Variants in QTMAN observed in about 807,000 individuals in gnomAD.
QTMAN encodes queuosine-tRNA mannosyltransferase.
At chr2:143,984,879 A>AT in the QTMAN span, among the ~76,000 whole-genome samples, 91 of 152,226 alleles carry the variant, frequency 6.0e-4, no homozygotes, top group African/African-American at 2.1e-3. Context: ...ACAACTCAAT[A>AT]AAGTCCTCCA....
chr2:144,048,718 C>T, the QTMAN span, among the ~76,000 whole-genome samples: 6 of 151,994 alleles, frequency 3.9e-5, no homozygotes, highest in African/African-American at 1.4e-4. Context: ...GTGCCACGGC[C>T]CTGAACTCCC....
At chr2:144,206,512 A>C in the QTMAN span, among the ~76,000 whole-genome samples, 1 of 152,208 alleles carries the variant, frequency 6.6e-6, no homozygotes, top group Non-Finnish European at 1.5e-5. Context: ...TCATTGCTCA[A>C]ATATAAGTTA....
At chr2:143,947,132 C>T in the QTMAN span, 3 of 1,611,148 alleles carry the variant, frequency 1.9e-6, no homozygotes. Context: ...GGAGCGATTT[C>T]ACCCTGCAAC....
chr2:144,176,142 T>C, the QTMAN span, among the ~76,000 whole-genome samples: 1 of 152,064 alleles, frequency 6.6e-6, no homozygotes, highest in Non-Finnish European at 1.5e-5. Flanking sequence ...TAGCAGGAAA[T>C]GAAAACAGAG....
chr2:144,169,172 G>A, the QTMAN span, among the ~76,000 whole-genome samples: 2 of 152,046 alleles, frequency 1.3e-5, no homozygotes, highest in East Asian at 3.9e-4. Context: ...AAATCCTAAT[G>A]CCTAAGGCAC....
the QTMAN span, among the ~76,000 whole-genome samples, chr2:144,022,898 C>T: frequency 1.3e-5 from 2 of 152,098 alleles, no homozygotes; most frequent in African/African-American, 2.4e-5. Flanking sequence ...TAATACTTAG[C>T]ATGTCCACTG....
the QTMAN span, among the ~76,000 whole-genome samples, chr2:144,183,780 T>C: frequency 6.6e-6 from 1 of 152,196 alleles, no homozygotes; most frequent in African/African-American, 2.4e-5. Context: ...AAGAATCCTT[T>C]TTTAACAGGA....
At chr2:144,287,159 G>A in the QTMAN span, among the ~76,000 whole-genome samples, 2 of 152,182 alleles carry the variant, frequency 1.3e-5, no homozygotes, top group African/African-American at 2.4e-5. Flanking sequence ...GGTATTGGCC[G>A]GGCACGGTGG....
chr2:144,193,007 TG>T, the QTMAN span, among the ~76,000 whole-genome samples: 1 of 152,214 alleles, frequency 6.6e-6, no homozygotes, highest in Non-Finnish European at 1.5e-5. Flanking sequence ...AGCAAAGAGA[TG>T]ATGTATAAAT....
the QTMAN span, among the ~76,000 whole-genome samples, chr2:144,269,808 A>T: frequency 2.4e-4 from 36 of 151,618 alleles, no homozygotes; most frequent in African/African-American, 8.7e-4. Context: ...TTACTATGCT[A>T]TCCAACTTCC....
the QTMAN span, among the ~76,000 whole-genome samples, chr2:144,237,702 C>A: frequency 6.6e-6 from 1 of 152,156 alleles, no homozygotes; most frequent in Non-Finnish European, 1.5e-5. Flanking sequence ...TCCAAGACAG[C>A]CCCCAATAAT....
the QTMAN span, among the ~76,000 whole-genome samples, chr2:144,177,577 C>T: frequency 6.6e-6 from 1 of 152,126 alleles, no homozygotes; most frequent in African/African-American, 2.4e-5. Context: ...GTTGAGTCAA[C>T]TTGGTAGACA....
chr2:143,978,701 T>C, the QTMAN span, among the ~76,000 whole-genome samples: 1 of 152,210 alleles, frequency 6.6e-6, no homozygotes, highest in Non-Finnish European at 1.5e-5. Flanking sequence ...ATGTATGTAA[T>C]TACTTCCTCT....
chr2:144,244,385 G>C, the QTMAN span, among the ~76,000 whole-genome samples: 2 of 152,148 alleles, frequency 1.3e-5, no homozygotes, highest in Non-Finnish European at 2.9e-5. Flanking sequence ...TTGCTTCTTG[G>C]AGACATTCAC....
At chr2:143,957,341 T>A in the QTMAN span, 3 of 1,574,940 alleles carry the variant, frequency 1.9e-6, no homozygotes, top group Non-Finnish European at 2.6e-6. Context: ...AAAAAATATC[T>A]TTTAAAAACA....
chr2:144,207,748 A>C, the QTMAN span, among the ~76,000 whole-genome samples: 1 of 152,216 alleles, frequency 6.6e-6, no homozygotes, highest in African/African-American at 2.4e-5. Context: ...AGAGATGTTC[A>C]AGGGGATTCC....
chr2:144,138,749 C>T, the QTMAN span, among the ~76,000 whole-genome samples: 3 of 151,936 alleles, frequency 2.0e-5, no homozygotes, highest in African/African-American at 7.3e-5. Flanking sequence ...TTTCCTCACT[C>T]ATCAGCTGAG....
At chr2:143,952,203 T>C in the QTMAN span, 1 of 628,406 alleles carries the variant, frequency 1.6e-6, no homozygotes, top group Non-Finnish European at 2.9e-6. Context: ...TTAAGCATGA[T>C]TTTATAAGGT....
At chr2:143,969,490 A>G in the QTMAN span, among the ~76,000 whole-genome samples, 3 of 152,232 alleles carry the variant, frequency 2.0e-5, no homozygotes, top group Non-Finnish European at 4.4e-5. Flanking sequence ...AACACAACAG[A>G]TACAGTACCT....
Sources: allele counts gnomAD v4.1 joint callset (sites outside exome capture counted in the v4.1 genomes callset), GRCh38; gene constraint gnomAD v4.1.1; transcripts MANE v1.5; gene names NCBI Gene and HGNC (gene_info 2026-07-23, HGNC 2026-07-21).